The following LDLRAD4 variants were observed in gnomAD, a reference collection of about 807,000 sequenced individuals.
LDLRAD4 encodes low density lipoprotein receptor class A domain containing 4, also known as low-density lipoprotein receptor class A domain-containing protein 4.
In LDLRAD4, 5 loss-of-function variants were observed where a neutral mutation model predicts 17.0. The observed-to-expected ratio is 0.29, with a 90% confidence interval of 0.15 to 0.62. The LOEUF is 0.62. Among genes scored for constraint, LDLRAD4 ranks in the 20% least tolerant of loss-of-function variants. The pLI is 0.84. For missense variants in LDLRAD4, 340 were observed against 424.7 expected (o/e 0.80, Z 1.75); for synonymous variants, 168 against 171.8 (o/e 0.98, Z 0.17).
chr18:13,381,518 A>G (rs1320394768), intron 1 of LDLRAD4, among the ~76,000 whole-genome samples: 1 of 152,246 alleles, frequency 6.6e-6, no homozygotes, highest in Admixed American at 6.5e-5. Context: ...CACGGGTACC[A>G]GAAGCAGAGT....
chr18:13,520,249 T>G (rs1390200914), intron 3 of LDLRAD4: 1 of 152,216 alleles, frequency 6.6e-6, no homozygotes, highest in Admixed American at 6.5e-5. Flanking sequence ...AAAGCCTGTC[T>G]TCAGCTTCCC....
chr18:13,650,876 GAGAA>G (rs2043215846), exon 6 of LDLRAD4: 1 of 152,280 alleles, frequency 6.6e-6, no homozygotes, highest in Non-Finnish European at 1.5e-5. Context: ...TATAACACAA[GAGAA>G]AGAAGTGTGA....
At chr18:13,230,402 T>C (rs1236675494) in intron 1 of LDLRAD4, among the ~76,000 whole-genome samples, 1 of 152,112 alleles carries the variant, frequency 6.6e-6, no homozygotes, top group Non-Finnish European at 1.5e-5. Flanking sequence ...AGTAATCTAG[T>C]GGGTTGCAGC....
chr18:13,250,136 G>A (rs1263022402), intron 1 of LDLRAD4, among the ~76,000 whole-genome samples: 3 of 152,192 alleles, frequency 2.0e-5, no homozygotes, highest in African/African-American at 7.2e-5. Context: ...TGTATATGTG[G>A]ATTAATGTCT....
chr18:13,642,975 G>C (rs1035963127), intron 4 of LDLRAD4, among the ~76,000 whole-genome samples: 4 of 147,440 alleles, frequency 2.7e-5, no homozygotes, highest in African/African-American at 1.0e-4. Context: ...TCACTCTGTC[G>C]CCCAGGCTGG....
At chr18:13,642,938 T>TC (rs1332610802) in intron 4 of LDLRAD4, among the ~76,000 whole-genome samples, 3 of 150,542 alleles carry the variant, frequency 2.0e-5, no homozygotes, top group East Asian at 3.9e-4. Flanking sequence ...GTTTTTTTTT[T>TC]TTCTTCTGTT....
At chr18:13,435,877 G>A (rs184721520) in intron 2 of LDLRAD4, among the ~76,000 whole-genome samples, 1 of 152,338 alleles carries the variant, frequency 6.6e-6, no homozygotes. Flanking sequence ...AGTGATTTGG[G>A]GAACTTTGTT....
At chr18:13,592,167 A>G (rs1414435867) in intron 3 of LDLRAD4, among the ~76,000 whole-genome samples, 1 of 152,228 alleles carries the variant, frequency 6.6e-6, no homozygotes, top group African/African-American at 2.4e-5. Context: ...GTTGAATAGG[A>G]AGGAATGATA....
intron 2 of LDLRAD4, among the ~76,000 whole-genome samples, chr18:13,411,262 AAAAG>A (rs1354571981): frequency 6.6e-6 from 1 of 152,044 alleles, no homozygotes; most frequent in Non-Finnish European, 1.5e-5. Flanking sequence ...AAAAAAAAAA[AAAAG>A]AAAGAAAAAA....
intron 4 of LDLRAD4, among the ~76,000 whole-genome samples, chr18:13,623,803 C>A (rs1292453331): frequency 6.6e-6 from 1 of 152,154 alleles, no homozygotes. Context: ...GTCCCCTAAC[C>A]CAGGTCCTCT....
chr18:13,546,241 A>G (rs557606785), intron 3 of LDLRAD4, among the ~76,000 whole-genome samples: 1 of 152,188 alleles, frequency 6.6e-6, no homozygotes, highest in East Asian at 1.9e-4. Context: ...GGGGTAAGGG[A>G]GGGGAGTTCA....
At chr18:13,285,509 G>T (rs1296490111) in intron 1 of LDLRAD4, among the ~76,000 whole-genome samples, 1 of 152,172 alleles carries the variant, frequency 6.6e-6, no homozygotes, top group East Asian at 1.9e-4. Context: ...CTTTCTTCTT[G>T]AAATTCATAT....
At chr18:13,307,268 C>T (rs576215207) in intron 1 of LDLRAD4, among the ~76,000 whole-genome samples, 162 of 152,262 alleles carry the variant, frequency 1.1e-3, no homozygotes, top group Middle Eastern at 6.8e-3. Context: ...CTCTGCCCCG[C>T]CTGAGACAGC....
At chr18:13,342,477 CTTTTTTT>C (rs10706515) in intron 1 of LDLRAD4, among the ~76,000 whole-genome samples, 1 of 38,668 alleles carries the variant, frequency 2.6e-5, no homozygotes, top group Non-Finnish European at 4.7e-5. Flanking sequence ...GCCTTCCTGT[CTTTTTTT>C]TTTTTTTTTT....
intron 1 of LDLRAD4, among the ~76,000 whole-genome samples, chr18:13,234,585 G>A (rs1243198129): frequency 2.0e-5 from 3 of 152,170 alleles, no homozygotes; most frequent in Non-Finnish European, 4.4e-5. Context: ...GCCAACTTCT[G>A]GGTGGGCACC....
At chr18:13,525,247 C>A (rs1273756252) in intron 3 of LDLRAD4, among the ~76,000 whole-genome samples, 1 of 152,164 alleles carries the variant, frequency 6.6e-6, no homozygotes, top group Non-Finnish European at 1.5e-5. Context: ...GCTTGGGTGT[C>A]CCTATTTGTA....
At chr18:13,569,908 A>C (rs2094661948) in intron 3 of LDLRAD4, among the ~76,000 whole-genome samples, 1 of 152,190 alleles carries the variant, frequency 6.6e-6, no homozygotes. Context: ...ATGAAAAATA[A>C]AAAATAAATT....
rs201704278 is a variant in LDLRAD4, at chr18:13,409,518, T to A, written c.40+21756T>A. On this transcript the variant is annotated intron_variant, in intron 2 of 5. Coordinates refer to ENST00000359446, the Ensembl canonical transcript of LDLRAD4. Reference sequence around the variant, plus strand: ...TAGGTCAGACTATTAACCTATTGTATCTTATGTGCAATTTACATTCTTAAA... The same window carrying A: ...TAGGTCAGACTATTAACCTATTGTAACTTATGTGCAATTTACATTCTTAAA... 1.4e-4 allele frequency among the ~76,000 whole-genome samples: 22 copies of A among 152,384 alleles called. No homozygotes were observed. In the East Asian group the frequency reaches 4.0e-3, roughly 28 times the overall value.
intron 3 of LDLRAD4, among the ~76,000 whole-genome samples, chr18:13,512,985 T>A (rs1040876731): frequency 6.6e-6 from 1 of 152,268 alleles, no homozygotes; most frequent in East Asian, 1.9e-4. Context: ...CAAATGATAG[T>A]GCAGTGGATG....
Sources: allele counts gnomAD v4.1 joint callset (sites outside exome capture counted in the v4.1 genomes callset), GRCh38; gene constraint gnomAD v4.1.1; transcripts MANE v1.5; gene names NCBI Gene and HGNC (gene_info 2026-07-23, HGNC 2026-07-21).